TMEM273: variants seen among roughly 807,000 people sequenced by gnomAD.
The protein encoded by TMEM273 is chromosome 10 open reading frame 128.
TMEM273 carries 19 observed loss-of-function variants against 17.9 expected under a neutral mutation model. The ratio of observed to expected loss-of-function variants is 1.06; its 90% CI spans 0.74 to 1.55. The LOEUF is 1.55. Ranked by LOEUF, TMEM273 falls within the 40% of genes most tolerant of loss-of-function variation. TMEM273 has a pLI of 0.00. For missense variants in TMEM273, 194 were observed against 155.6 expected, an observed-to-expected ratio of 1.25 and a Z score of -1.31; for synonymous variants, 66 against 62.0, an observed-to-expected ratio of 1.07 and a Z score of -0.31.
At chr10:49,185,641 C>T (rs1487494788) in intron 1 of TMEM273, among the ~76,000 whole-genome samples, 1 of 152,114 alleles carries the variant, frequency 6.6e-6, no homozygotes, top group East Asian at 1.9e-4. Flanking sequence ...ATGAAAAATG[C>T]CAATACAGAG....
intron 5 of TMEM273, among the ~76,000 whole-genome samples, chr10:49,163,306 T>TGTGA (rs776736232): frequency 1.2e-4 from 17 of 147,764 alleles, no homozygotes; most frequent in African/African-American, 3.0e-4. Flanking sequence ...TGTGTGTGTG[T>TGTGA]GAGAGAGAGA....
At chr10:49,164,327 A>G (rs1356506962) in intron 5 of TMEM273, among the ~76,000 whole-genome samples, 1 of 151,832 alleles carries the variant, frequency 6.6e-6, no homozygotes, top group Admixed American at 6.6e-5. Context: ...GCTCCTCCTT[A>G]ACTTTGTTCC....
At chr10:49,171,490 C>T (rs564097911) in intron 1 of TMEM273, among the ~76,000 whole-genome samples, 47 of 152,324 alleles carry the variant, frequency 3.1e-4, no homozygotes, top group African/African-American at 1.1e-3. Context: ...TGCACAAGGG[C>T]ACTCGATGGG....
intron 5 of TMEM273, 59 bp from the exon 6 acceptor site, chr10:49,161,681 G>T: frequency 2.5e-6 from 4 of 1,607,580 alleles, no homozygotes; most frequent in Non-Finnish European, 3.4e-6. Flanking sequence ...GAAAGACAAT[G>T]CAAAACTTGC....
chr10:49,179,303 C>T (rs115916092), intron 1 of TMEM273, among the ~76,000 whole-genome samples: 5,942 of 152,280 alleles, frequency 0.039, 195 homozygotes, highest in Non-Finnish European at 0.037. Flanking sequence ...CTGTGGGGCT[C>T]GGCTTTATAG....
chr10:49,163,360 C>T (rs1845970691), intron 5 of TMEM273, among the ~76,000 whole-genome samples: 1 of 151,816 alleles, frequency 6.6e-6, no homozygotes, highest in Admixed American at 6.6e-5. Flanking sequence ...GGTCCCTCAA[C>T]CTGAAATATC....
In TMEM273 at chr10:49,188,346, C is replaced by G; in HGVS notation, c.-10G>C. ...TGACCCCCAAGTTCATGCTGGCGCTCTGCTCTTGGCTCCTGGCTCCTGGCT... is the reference window on the plus strand; with the variant it reads ...TGACCCCCAAGTTCATGCTGGCGCTGTGCTCTTGGCTCCTGGCTCCTGGCT... On this transcript the variant is annotated 5_prime_UTR_variant, in exon 1 of 7. Coordinates refer to ENST00000374153, the MANE Select transcript of TMEM273 (RefSeq NM_001288740.3). 6.2e-7 allele frequency: 1 copy of G among 1,614,194 alleles called. No individual in the cohort carries two copies. Among genetic ancestry groups the G allele is most frequent in the Non-Finnish European group, 8.5e-7 (1 of 1,180,026 alleles).
At chr10:49,171,728 A>T (rs2002435) in intron 1 of TMEM273, among the ~76,000 whole-genome samples, 2 of 152,098 alleles carry the variant, frequency 1.3e-5, no homozygotes, top group African/African-American at 4.8e-5. Context: ...GAGGGCAGCC[A>T]CCCCAGCTCC....
intron 1 of TMEM273, among the ~76,000 whole-genome samples, chr10:49,177,421 C>A (rs904747127): frequency 6.6e-6 from 1 of 152,164 alleles, no homozygotes; most frequent in Admixed American, 6.5e-5. Context: ...AGTGCTGACC[C>A]GGTTCCTGAA....
At chr10:49,164,506 T>C (rs1010200190) in intron 5 of TMEM273, among the ~76,000 whole-genome samples, 6 of 152,170 alleles carry the variant, frequency 3.9e-5, no homozygotes, top group African/African-American at 1.4e-4. Context: ...TTAGAACCCA[T>C]CTGTAGGTGA....
At chr10:49,184,900 T>G (rs902614306) in intron 1 of TMEM273, among the ~76,000 whole-genome samples, 2 of 152,186 alleles carry the variant, frequency 1.3e-5, no homozygotes, top group African/African-American at 2.4e-5. Context: ...AGTGTTTCTG[T>G]GGAAACTTGT....
chr10:49,178,387 C>T (rs1231102664), intron 1 of TMEM273: 2 of 433,620 alleles, frequency 4.6e-6, no homozygotes, highest in Admixed American at 2.4e-5. Context: ...GAGCAATGGC[C>T]CAGCAAGACC....
At chr10:49,163,147 G>A (rs1009021865) in intron 5 of TMEM273, among the ~76,000 whole-genome samples, 1 of 152,148 alleles carries the variant, frequency 6.6e-6, no homozygotes, top group African/African-American at 2.4e-5. Context: ...GGAAGGGAGG[G>A]GTGTGAAGAG....
intron 1 of TMEM273, among the ~76,000 whole-genome samples, chr10:49,168,470 T>C (rs1304150162): frequency 6.6e-6 from 1 of 152,124 alleles, no homozygotes; most frequent in Non-Finnish European, 1.5e-5. Flanking sequence ...CGGCCATAAC[T>C]GACCATGTCA....
intron 1 of TMEM273, among the ~76,000 whole-genome samples, chr10:49,170,062 C>G (rs1846457950): frequency 6.6e-6 from 1 of 152,210 alleles, no homozygotes; most frequent in Non-Finnish European, 1.5e-5. Context: ...GGGCATTGCT[C>G]TCACTTGCAG....
chr10:49,172,514 A>G (rs1034600931), intron 1 of TMEM273, among the ~76,000 whole-genome samples: 1 of 152,094 alleles, frequency 6.6e-6, no homozygotes, highest in Non-Finnish European at 1.5e-5. Context: ...ACCCCCAGCC[A>G]ACCCTACTCA....
rs1391757574 is a variant in TMEM273 at position 49,165,385 on chromosome 10, T to C, written c.270-102A>G. 3.9e-6 allele frequency: 6 copies of C among 1,535,374 alleles called. No individual in the cohort carries two copies. In the East Asian group the frequency reaches 1.5e-4, roughly 38 times the overall value. ...CTCTGTGCAGAAGAGCAGGGTACCTTGATGCCAGCAGGGAAGCCCAGAAAC... is the reference window on the plus strand; with the variant it reads ...CTCTGTGCAGAAGAGCAGGGTACCTCGATGCCAGCAGGGAAGCCCAGAAAC... On this transcript the variant is annotated intron_variant, in intron 4 of 6. Transcript: ENST00000374153.
In TMEM273 at chr10:49,183,090, T is replaced by C. The variant is rs1590254043; in HGVS notation, c.43+5204A>G. On this transcript the variant is annotated intron_variant, in intron 1 of 6. Coordinates refer to ENST00000374153, the MANE Select transcript of TMEM273 (RefSeq NM_001288740.3). ...ATTAAGGAAGGCTAATGTGACACAG[T>C]TGGTCACCCCCGCCATACCTGTCCT... Among the ~76,000 whole-genome samples the C allele has an allele frequency of 2.0e-5, 3 of 152,250 alleles. No individual in the cohort carries two copies. The Middle Eastern group carries it at 0.01, about 518-fold the overall frequency.
At chr10:49,170,828 C>T (rs182824570) in intron 1 of TMEM273, among the ~76,000 whole-genome samples, 6 of 152,186 alleles carry the variant, frequency 3.9e-5, no homozygotes, top group East Asian at 3.9e-4. Context: ...GCAGCCTGGC[C>T]GGCCCCACCC....
Sources: gnomAD v4.1 joint callset for allele counts (sites outside exome capture counted in the v4.1 genomes callset) on GRCh38, gnomAD v4.1.1 for gene constraint, MANE v1.5 for transcripts, NCBI Gene and HGNC (gene_info 2026-07-23, HGNC 2026-07-21) for gene names.